Variants in CCDC88C observed in about 807,000 individuals in gnomAD.
CCDC88C encodes coiled-coil and HOOK domain protein 88C.
Under a neutral mutation model 198.8 loss-of-function variants are expected in CCDC88C, and 131 were observed. That is an observed-to-expected ratio of 0.66 (90% CI 0.57 to 0.76). The LOEUF is 0.76. CCDC88C is among the 30% of genes least tolerant of loss of function. The probability of loss-of-function intolerance (pLI) is 0.00; values close to 1 mark genes in which losing one functional copy is unlikely to be tolerated. For synonymous variants in CCDC88C, 1,166 were observed against 1,114.7 expected, an observed-to-expected ratio of 1.05 and a Z score of -0.92; for missense variants, 2,553 against 2,631.6, an observed-to-expected ratio of 0.97 and a Z score of 0.65.
chr14:91,413,477 G>C (rs1008772724), intron 2 of CCDC88C, among the ~76,000 whole-genome samples: 1 of 152,166 alleles, frequency 6.6e-6, no homozygotes, highest in Non-Finnish European at 1.5e-5. Flanking sequence ...TCCTACAAGA[G>C]AATGAAAAAC....
intron 23 of CCDC88C, among the ~76,000 whole-genome samples, chr14:91,293,634 G>A (rs1035544495): frequency 2.2e-5 from 3 of 137,210 alleles, no homozygotes; most frequent in South Asian, 2.3e-4. Context: ...ACCCCCTGGG[G>A]TAGCTGTGGA....
chr14:91,402,674 C>T (rs1008855088), intron 3 of CCDC88C, among the ~76,000 whole-genome samples: 1 of 152,124 alleles, frequency 6.6e-6, no homozygotes, highest in Non-Finnish European at 1.5e-5. Flanking sequence ...CTGCTGGGAA[C>T]GTCTATCTCA....
chr14:91,326,202 T>C (rs1201465680), intron 10 of CCDC88C, 146 bp from the exon 11 acceptor site: 11 of 465,030 alleles, frequency 2.4e-5, no homozygotes, highest in Non-Finnish European at 3.6e-5. Flanking sequence ...TTTCCTCTAC[T>C]TTTTTTTTTA....
chr14:91,304,058 C>T (rs1390828269), intron 19 of CCDC88C, 80 bp from the exon 20 acceptor site: 4 of 1,512,620 alleles, frequency 2.6e-6, no homozygotes, highest in Non-Finnish European at 2.7e-6. Context: ...AGTGCTCGAG[C>T]AGACACGAAA....
chr14:91,405,188 A>G (rs1886417329), intron 3 of CCDC88C, among the ~76,000 whole-genome samples: 1 of 152,122 alleles, frequency 6.6e-6, no homozygotes, highest in Non-Finnish European at 1.5e-5. Flanking sequence ...TGAGCATCCT[A>G]GCGACACGGC....
chr14:91,275,563 A>G (rs1012516817), intron 29 of CCDC88C, among the ~76,000 whole-genome samples: 4 of 148,956 alleles, frequency 2.7e-5, no homozygotes, highest in Non-Finnish European at 5.9e-5. Flanking sequence ...CTGCAACCTG[A>G]GCCTCTCGGG....
At chr14:91,362,755 C>T (rs546489454) in intron 3 of CCDC88C, among the ~76,000 whole-genome samples, 40 of 152,094 alleles carry the variant, frequency 2.6e-4, no homozygotes, top group African/African-American at 9.4e-4. Context: ...TGGTGAAACC[C>T]GATCTCTACT....
At chr14:91,362,981 G>A (rs1248581721) in intron 3 of CCDC88C, among the ~76,000 whole-genome samples, 4 of 151,142 alleles carry the variant, frequency 2.6e-5, no homozygotes, top group Admixed American at 6.6e-5. Flanking sequence ...ATATCTTTCT[G>A]AGTTGTTCCT....
intron 29 of CCDC88C, among the ~76,000 whole-genome samples, chr14:91,276,995 A>AGTCTC (rs541739113): frequency 6.3e-4 from 96 of 152,258 alleles, no homozygotes; most frequent in African/African-American, 2.2e-3. Context: ...CTTGAGACAG[A>AGTCTC]GTCTCGCTCT....
intron 15 of CCDC88C, among the ~76,000 whole-genome samples, chr14:91,311,341 C>T (rs1891814613): frequency 6.6e-6 from 1 of 152,252 alleles, no homozygotes; most frequent in Non-Finnish European, 1.5e-5. Flanking sequence ...CGTCAGTCAT[C>T]TCTTTCCAGT....
intron 3 of CCDC88C, among the ~76,000 whole-genome samples, chr14:91,374,678 CT>C (rs1239494359): frequency 6.6e-6 from 1 of 152,216 alleles, no homozygotes; most frequent in Non-Finnish European, 1.5e-5. Context: ...CCCAACCGAC[CT>C]TTGAGGCCAT....
intron 13 of CCDC88C, among the ~76,000 whole-genome samples, chr14:91,318,683 G>A (rs1892213232): frequency 6.6e-6 from 1 of 151,998 alleles, no homozygotes. Flanking sequence ...GCTCACATTG[G>A]GACGCTGAGG....
rs780230244 is a variant in CCDC88C, at chr14:91,289,258, C to T, written c.4288G>A (p.Val1430Met). 9.9e-6 allele frequency: 16 copies of T among 1,614,050 alleles called. No individual in the cohort carries two copies. Among genetic ancestry groups the T allele is most frequent in the Middle Eastern group, 1.6e-4 (1 of 6,062 alleles). The change falls in exon 25 of 30, where the codon GTG (valine) becomes ATG (methionine). Residue 1430 changes from valine (V) to methionine (M), a missense_variant. Val to Met is a conservative substitution (Grantham distance 21). Transcript: ENST00000389857. ...EGSRERLKST[V>M]DSPPWQLESS... The stretch of plus-strand genomic sequence containing the variant: ...TCCAGCTGCCAGGGAGGGCTGTCCA[C>T]GGTGGATTTTAAGCGTTCCCTCGAA...
At position 91,407,708 on chromosome 14, in the gene CCDC88C, C is replaced by T. The variant is rs117182898; in HGVS notation, c.270+951G>A. On this transcript the variant is annotated intron_variant, in intron 3 of 29. Coordinates refer to ENST00000389857, the MANE Select transcript of CCDC88C (RefSeq NM_001080414.4). ...TACACAGTTTCAGTCCATTTCCATC[C>T]GTATTGGCCACACAGAGATCACTAA... is the stretch of plus-strand genomic sequence containing the variant. Among the ~76,000 whole-genome samples, 20 of 152,256 alleles carry T rather than the reference C, an allele frequency of 1.3e-4. No individual in the cohort carries two copies. In the East Asian group the frequency reaches 1.9e-3, roughly 15 times the overall value.
chr14:91,279,198 CA>C, intron 28 of CCDC88C, 39 bp downstream of exon 28: 1 of 1,539,086 alleles, frequency 6.5e-7, no homozygotes, highest in South Asian at 1.2e-5. Context: ...GTGCCTGGCC[CA>C]AATCAATTTT....
chr14:91,314,120 G>T lies in CCDC88C; in HGVS notation c.1696C>A (p.Leu566Ile), dbSNP rs1891987841. The T allele has an allele frequency of 2.5e-6, 4 of 1,612,718 alleles. No individual in the cohort carries two copies. Among genetic ancestry groups the T allele is most frequent in the Non-Finnish European group, 3.4e-6 (4 of 1,179,528 alleles). ...IKDLEQEKDH[L>I]NRAMWSLRER... ...CGCAGCGACCACATGGCTCGGTTGA[G>T]GTGGTCCTTTTCCTGCTCAAGGTCC... The change falls in exon 15 of 30, where the codon CTC becomes ATC. Residue 566 changes from leucine (L) to isoleucine (I), a missense_variant. This residue lies in a region of CCDC88C where 1,260 missense variants were observed against 1,412.0 expected (regional missense o/e 0.89). Coordinates refer to ENST00000389857, the MANE Select transcript of CCDC88C (RefSeq NM_001080414.4).
chr14:91,409,510 C>G (rs542782885), intron 2 of CCDC88C, among the ~76,000 whole-genome samples: 1 of 131,468 alleles, frequency 7.6e-6, no homozygotes, highest in South Asian at 2.4e-4. Context: ...TTTTTTGAGA[C>G]GGAGTCTTGC....
intron 3 of CCDC88C, among the ~76,000 whole-genome samples, chr14:91,406,037 C>T (rs1225971667): frequency 6.6e-6 from 1 of 152,192 alleles, no homozygotes; most frequent in Non-Finnish European, 1.5e-5. Flanking sequence ...GGTCCTCTTT[C>T]CATCTGGAAG....
rs1891597320 is a variant in CCDC88C at position 91,307,238 on chromosome 14, A to G, written c.3007-12T>C. 1 of 1,611,918 alleles carries G rather than the reference A, an allele frequency of 6.2e-7. No individual in the cohort carries two copies. The highest frequency in any genetic ancestry group is 2.2e-5 in the East Asian group (1 of 44,878). ...CACTCCTTCTTTAGCTACAGGTGTG[A>G]CAATAAGCAAGGAGGCTTTAGGCGG... On this transcript the variant is annotated splice_polypyrimidine_tract_variant and intron_variant, in intron 17 of 29. Coordinates refer to ENST00000389857, the MANE Select transcript of CCDC88C (RefSeq NM_001080414.4).
Sources: allele counts gnomAD v4.1 joint callset (sites outside exome capture counted in the v4.1 genomes callset), GRCh38; gene constraint gnomAD v4.1.1; regional missense constraint gnomAD v4.1.1; transcripts MANE v1.5; gene names NCBI Gene and HGNC (gene_info 2026-07-23, HGNC 2026-07-21).